NAALADL2: variants seen among roughly 807,000 people sequenced by gnomAD.
NAALADL2 encodes N-acetylated alpha-linked acidic dipeptidase like 2.
Under a neutral mutation model 87.2 loss-of-function variants are expected in NAALADL2, and 76 were observed. The ratio of observed to expected loss-of-function variants is 0.87; its 90% CI spans 0.72 to 1.05. The LOEUF (loss-of-function observed/expected upper bound fraction) is 1.05. NAALADL2 is among the 50% of genes least tolerant of loss of function. The probability of loss-of-function intolerance (pLI) is 0.00; values close to 1 mark genes in which losing one functional copy is unlikely to be tolerated. For missense variants in NAALADL2, 1,089 were observed against 945.8 expected, an observed-to-expected ratio of 1.15 and a Z score of -1.99; for synonymous variants, 354 against 331.0, an observed-to-expected ratio of 1.07 and a Z score of -0.75.
At chr3:175,449,157 C>T (rs1199545753) in intron 6 of NAALADL2, among the ~76,000 whole-genome samples, 1 of 152,162 alleles carries the variant, frequency 6.6e-6, no homozygotes, top group East Asian at 1.9e-4. Context: ...TGGTTCACTG[C>T]AGCCTCAAAC....
chr3:175,028,875 C>T (rs555042934), intron 1 of NAALADL2, among the ~76,000 whole-genome samples: 29 of 151,584 alleles, frequency 1.9e-4, no homozygotes, highest in African/African-American at 7.0e-4. Flanking sequence ...AGTCTCACTT[C>T]GTAGTGTTTC....
intron 5 of NAALADL2, among the ~76,000 whole-genome samples, chr3:175,405,134 G>A (rs79089109): frequency 0.027 from 4,041 of 152,088 alleles, 169 homozygotes; most frequent in East Asian, 0.14. Context: ...GTCTATATTA[G>A]CAATAGAAGT....
chr3:175,230,613 G>A (rs980137675), intron 2 of NAALADL2, among the ~76,000 whole-genome samples: 1 of 151,928 alleles, frequency 6.6e-6, no homozygotes, highest in African/African-American at 2.4e-5. Context: ...AGGAGCAGAG[G>A]GTGGTAAAGG....
At position 175,550,555 on chromosome 3, in the gene NAALADL2, G is replaced by T. The variant is rs369597957; in HGVS notation, c.1654-25486G>T. Among the ~76,000 whole-genome samples the T allele has an allele frequency of 2.2e-4, 33 of 152,304 alleles. 1 individual carries two copies. In the East Asian group the frequency reaches 4.2e-3, roughly 20 times the overall value. On this transcript the variant is annotated intron_variant, in intron 9 of 13. Coordinates refer to ENST00000454872, the MANE Select transcript of NAALADL2 (RefSeq NM_207015.3). The stretch of plus-strand genomic sequence containing the variant: ...AAATAAAGATATTGTTAAGGATACT[G>T]ATTGGTATTTTACTCCCTTCTTACA...
At chr3:174,933,658 C>A (rs1293919658) in intron 1 of NAALADL2, among the ~76,000 whole-genome samples, 1 of 152,084 alleles carries the variant, frequency 6.6e-6, no homozygotes, top group Non-Finnish European at 1.5e-5. Context: ...TATTGTGTTG[C>A]CAACTAAGTA....
chr3:174,852,960 A>G (rs1192692643), intron 3 of NAALADL2, among the ~76,000 whole-genome samples: 1 of 152,098 alleles, frequency 6.6e-6, no homozygotes, highest in Non-Finnish European at 1.5e-5. Context: ...AATTGGGGAA[A>G]ATACAGTCTC....
intron 3 of NAALADL2, among the ~76,000 whole-genome samples, chr3:174,749,174 C>T (rs1392771925): frequency 6.6e-6 from 1 of 152,118 alleles, no homozygotes; most frequent in Non-Finnish European, 1.5e-5. Flanking sequence ...GTTGTGGTTA[C>T]TTGCCTCTCT....
chr3:174,712,380 C>CTTTTTTTTT (rs1169827021), intron 2 of NAALADL2, among the ~76,000 whole-genome samples: 7 of 70,432 alleles, frequency 9.9e-5, no homozygotes, highest in Admixed American at 2.4e-4. Flanking sequence ...TTCTCCTCTT[C>CTTTTTTTTT]TTTTTTTTTT....
At chr3:175,332,323 T>C (rs1186427915) in intron 5 of NAALADL2, among the ~76,000 whole-genome samples, 3 of 152,198 alleles carry the variant, frequency 2.0e-5, no homozygotes, top group African/African-American at 4.8e-5. Flanking sequence ...CTTCAAAGTA[T>C]ATTACAAGCA....
chr3:175,142,064 C>G (rs1197000633), intron 2 of NAALADL2, among the ~76,000 whole-genome samples: 4 of 151,968 alleles, frequency 2.6e-5, no homozygotes, highest in African/African-American at 9.7e-5. Flanking sequence ...CTTAAACTAC[C>G]CTCGACCTCA....
intron 2 of NAALADL2, among the ~76,000 whole-genome samples, chr3:174,682,827 T>C (rs1322408389): frequency 6.6e-6 from 1 of 152,204 alleles, no homozygotes; most frequent in Non-Finnish European, 1.5e-5. Flanking sequence ...ATAGTATTAA[T>C]GAATACCTTA....
At chr3:174,652,549 T>C (rs1482889159) in intron 2 of NAALADL2, among the ~76,000 whole-genome samples, 2 of 152,032 alleles carry the variant, frequency 1.3e-5, no homozygotes. Context: ...AACTGCCCTT[T>C]ATAAAGCCAT....
intron 2 of NAALADL2, among the ~76,000 whole-genome samples, chr3:174,648,944 G>A (rs1472153231): frequency 5.9e-5 from 9 of 151,960 alleles, no homozygotes; most frequent in Admixed American, 3.3e-4. Flanking sequence ...AGGAGAACCT[G>A]TTTTGTTTTT....
intron 9 of NAALADL2, among the ~76,000 whole-genome samples, chr3:175,511,827 G>A (rs1337426292): frequency 6.6e-6 from 1 of 152,166 alleles, no homozygotes; most frequent in Non-Finnish European, 1.5e-5. Flanking sequence ...TTCCAAGTGT[G>A]AGGAACTACT....
At chr3:175,528,615 T>C (rs1297334483) in intron 9 of NAALADL2, among the ~76,000 whole-genome samples, 1 of 152,182 alleles carries the variant, frequency 6.6e-6, no homozygotes, top group African/African-American at 2.4e-5. Flanking sequence ...AAACATCTCC[T>C]GAGATCATAC....
intron 1 of NAALADL2, among the ~76,000 whole-genome samples, chr3:174,907,198 C>G (rs377236024): frequency 6.6e-6 from 1 of 151,956 alleles, no homozygotes; most frequent in African/African-American, 2.4e-5. Context: ...AGAATACTAG[C>G]ACTGGAATGT....
chr3:175,050,251 C>G (rs1285464386), intron 1 of NAALADL2, among the ~76,000 whole-genome samples: 1 of 152,054 alleles, frequency 6.6e-6, no homozygotes, highest in African/African-American at 2.4e-5. Context: ...ATTGAATAAT[C>G]TTTATTATTT....
At chr3:175,470,615 T>C (rs73884431) in intron 8 of NAALADL2, among the ~76,000 whole-genome samples, 6,480 of 152,226 alleles carry the variant, frequency 0.043, 446 homozygotes, top group African/African-American at 0.15. Flanking sequence ...TATGACATAA[T>C]GTAATCTTTT....
At chr3:174,953,723 C>T (rs184230634) in intron 1 of NAALADL2, among the ~76,000 whole-genome samples, 1 of 152,110 alleles carries the variant, frequency 6.6e-6, no homozygotes, top group Admixed American at 6.6e-5. Flanking sequence ...GTGTGCCACA[C>T]TCTGTTGCAA....
Sources: allele counts gnomAD v4.1 joint callset (sites outside exome capture counted in the v4.1 genomes callset), GRCh38; gene constraint gnomAD v4.1.1; transcripts MANE v1.5; gene names NCBI Gene and HGNC (gene_info 2026-07-23, HGNC 2026-07-21).